CHODL: variants seen among roughly 807,000 people sequenced by gnomAD.
The protein encoded by CHODL is transmembrane protein MT75.
In CHODL, 29 loss-of-function variants were observed where a neutral mutation model predicts 34.5. That is an observed-to-expected ratio of 0.84 (90% confidence interval 0.63 to 1.15). The LOEUF (loss-of-function observed/expected upper bound fraction) is 1.15. CHODL is among the 50% of genes most tolerant of loss of function. CHODL has a pLI of 0.00. For synonymous variants in CHODL, 125 were observed against 116.1 expected (o/e 1.08, Z -0.49); for missense variants, 332 against 332.5 (o/e 1.00, Z 0.01).
intron 2 of CHODL, among the ~76,000 whole-genome samples, chr21:18,155,236 T>C (rs1287404490): frequency 6.6e-6 from 1 of 152,142 alleles, no homozygotes; most frequent in African/African-American, 2.4e-5. Flanking sequence ...ATATTCCTGA[T>C]AAATCTGATA....
intron 2 of CHODL, among the ~76,000 whole-genome samples, chr21:18,152,904 C>T (rs1257847331): frequency 1.3e-5 from 2 of 152,146 alleles, no homozygotes; most frequent in East Asian, 3.9e-4. Context: ...AAGGAATAGC[C>T]ACCATCATCA....
At chr21:18,183,136 T>A (rs2073401708) in intron 2 of CHODL, among the ~76,000 whole-genome samples, 1 of 152,228 alleles carries the variant, frequency 6.6e-6, no homozygotes, top group Non-Finnish European at 1.5e-5. Context: ...CATTTGGGGA[T>A]CCCTTTCTCC....
intron 2 of CHODL, among the ~76,000 whole-genome samples, chr21:18,224,952 G>T (rs1250105264): frequency 1.3e-5 from 2 of 152,074 alleles, no homozygotes; most frequent in Non-Finnish European, 2.9e-5. Context: ...TTAGAATGCT[G>T]GTTATACAGA....
intron 1 of CHODL, among the ~76,000 whole-genome samples, chr21:18,248,105 C>G (rs1472535259): frequency 6.6e-6 from 1 of 151,176 alleles, no homozygotes; most frequent in East Asian, 1.9e-4. Context: ...CATGGTGCTT[C>G]CAGATTTCTC....
chr21:17,931,931 A>G (rs1425413434), intron 1 of CHODL, among the ~76,000 whole-genome samples: 1 of 152,240 alleles, frequency 6.6e-6, no homozygotes, highest in Non-Finnish European at 1.5e-5. Flanking sequence ...AAGTAAATGC[A>G]ACAAGAACAA....
intron 1 of CHODL, among the ~76,000 whole-genome samples, chr21:18,248,938 T>TGTATAATACATATA (rs1480324650): frequency 1.6e-3 from 183 of 111,478 alleles, no homozygotes; most frequent in African/African-American, 7.6e-3. Context: ...TACATATATA[T>TGTATAATACATATA]TATGTATACA....
chr21:18,116,007 A>T (rs1290849832), intron 2 of CHODL, among the ~76,000 whole-genome samples: 1 of 151,336 alleles, frequency 6.6e-6, no homozygotes, highest in East Asian at 1.9e-4. Context: ...TTTACTTTAG[A>T]TTTCTTAATA....
chr21:18,152,503 G>T (rs2146629612), intron 2 of CHODL, among the ~76,000 whole-genome samples: 1 of 152,282 alleles, frequency 6.6e-6, no homozygotes, highest in East Asian at 1.9e-4. Context: ...CATTGAAGTT[G>T]TTGGAATAAT....
intron 2 of CHODL, among the ~76,000 whole-genome samples, chr21:18,217,589 A>C (rs1250563567): frequency 1.3e-5 from 2 of 152,116 alleles, no homozygotes; most frequent in Non-Finnish European, 2.9e-5. Context: ...GACACAGCCA[A>C]ACCATATCAT....
At chr21:18,008,028 A>C (rs965756425) in intron 1 of CHODL, among the ~76,000 whole-genome samples, 1 of 152,220 alleles carries the variant, frequency 6.6e-6, no homozygotes, top group African/African-American at 2.4e-5. Context: ...GAACAAAACA[A>C]AACAATCATG....
At chr21:17,976,905 TCTTGGAAATG>T (rs1335255054) in intron 1 of CHODL, among the ~76,000 whole-genome samples, 1 of 152,204 alleles carries the variant, frequency 6.6e-6, no homozygotes, top group Non-Finnish European at 1.5e-5. Context: ...ATGGGATGGT[TCTTGGAAATG>T]CTTTCCAGAC....
chr21:18,000,228 A>G (rs2824595), intron 1 of CHODL, among the ~76,000 whole-genome samples: 30,696 of 151,962 alleles, frequency 0.2, 4,553 homozygotes, highest in African/African-American at 0.41. Flanking sequence ...CTGAGTTCTA[A>G]TTTAATAGCT....
chr21:18,100,804 G>T (rs2065203838), intron 2 of CHODL, among the ~76,000 whole-genome samples: 1 of 152,122 alleles, frequency 6.6e-6, no homozygotes, highest in African/African-American at 2.4e-5. Flanking sequence ...CAAATGATCT[G>T]TGAGAGTATT....
chr21:17,939,817 A>G (rs574300787), intron 1 of CHODL, among the ~76,000 whole-genome samples: 1 of 152,306 alleles, frequency 6.6e-6, no homozygotes, highest in East Asian at 1.9e-4. Flanking sequence ...TTTCTCATGC[A>G]GTTTTCTTCT....
At chr21:18,260,327 C>T in intron 4 of CHODL, 41 bp downstream of exon 4, 1 of 1,281,070 alleles carries the variant, frequency 7.8e-7, no homozygotes, top group Non-Finnish European at 1.1e-6. Context: ...AAGAACTGAA[C>T]TGTACTTTCA....
At chr21:17,945,166 C>T (rs7280956) in intron 1 of CHODL, among the ~76,000 whole-genome samples, 205 of 149,256 alleles carry the variant, frequency 1.4e-3, no homozygotes, top group African/African-American at 4.8e-3. Flanking sequence ...GAGCCGAGAT[C>T]GCTCCACTGC....
chr21:17,986,044 A>G (rs1387396184), intron 1 of CHODL, among the ~76,000 whole-genome samples: 4 of 152,116 alleles, frequency 2.6e-5, no homozygotes, highest in African/African-American at 7.2e-5. Context: ...ATACCATCAC[A>G]TTGGAGGTTA....
chr21:18,124,435 C>T (rs1405180374), intron 2 of CHODL, among the ~76,000 whole-genome samples: 1 of 152,148 alleles, frequency 6.6e-6, no homozygotes, highest in Non-Finnish European at 1.5e-5. Context: ...AATATGTCTT[C>T]TTGTATCTGT....
At chr21:18,040,710 C>A (rs2064364906) in intron 2 of CHODL, among the ~76,000 whole-genome samples, 1 of 151,758 alleles carries the variant, frequency 6.6e-6, no homozygotes, top group African/African-American at 2.4e-5. Context: ...AATTTCATAC[C>A]ATTTTATTAA....
Sources: allele counts gnomAD v4.1 joint callset (sites outside exome capture counted in the v4.1 genomes callset), GRCh38; gene constraint gnomAD v4.1.1; transcripts MANE v1.5; gene names NCBI Gene and HGNC (gene_info 2026-07-23, HGNC 2026-07-21).